Variants in LRRC51 observed in about 807,000 individuals in gnomAD.
LRRC51 encodes the protein leucine-rich repeat-containing protein 51.
In LRRC51, 8 loss-of-function variants were observed where a neutral mutation model predicts 17.8. The ratio of observed to expected loss-of-function variants is 0.45; its 90% CI spans 0.26 to 0.81. The LOEUF is 0.81. LRRC51 is among the 30% of genes least tolerant of loss of function. The pLI is 0.17. For synonymous variants in LRRC51, 92 were observed against 96.0 expected (o/e 0.96, Z 0.24); for missense variants, 233 against 239.3 (o/e 0.97, Z 0.17).
rs58257513 is a variant in LRRC51 at position 72,087,287 on chromosome 11, C to CTTTTTTT, written c.-139-988_-139-982dup. On this transcript the variant is annotated intron_variant, in intron 1 of 5. Coordinates refer to ENST00000289488, the MANE Select transcript of LRRC51 (RefSeq NM_145309.6). ...AGGTCCTTGGTTTTTAACAGAAATT[C>CTTTTTTT]TTTTTTTTTTTTTTTTTTTTTTTTT... 5.9e-4 allele frequency among the ~76,000 whole-genome samples: 63 copies of CTTTTTTT among 107,324 alleles called. 1 individual carries two copies. Among genetic ancestry groups the CTTTTTTT allele is most frequent in the African/African-American group, 2.1e-3 (59 of 28,526 alleles). 70.4% of individuals were successfully genotyped at this position (107,324 alleles called of 152,430 possible).
intron 3 of LRRC51, among the ~76,000 whole-genome samples, chr11:72,092,261 T>C (rs1238702257): frequency 6.6e-6 from 1 of 152,204 alleles, no homozygotes; most frequent in Non-Finnish European, 1.5e-5. Flanking sequence ...CTCCACCTTT[T>C]TGTACAGGAA....
At chr11:72,093,134 A>G (rs1944961109) in intron 3 of LRRC51, among the ~76,000 whole-genome samples, 1 of 152,242 alleles carries the variant, frequency 6.6e-6, no homozygotes, top group Non-Finnish European at 1.5e-5. Context: ...AGGCTTTACC[A>G]GTAGTTAATT....
chr11:72,089,395 C>G (rs769012399), intron 3 of LRRC51: 5 of 1,452,370 alleles, frequency 3.4e-6, no homozygotes, highest in Admixed American at 4.2e-5. Flanking sequence ...AACATGTGCC[C>G]CTGTTTGTTT....
At chr11:72,094,255 C>T (rs1450663790) in intron 4 of LRRC51, among the ~76,000 whole-genome samples, 2 of 149,612 alleles carry the variant, frequency 1.3e-5, no homozygotes, top group African/African-American at 5.0e-5. Context: ...CACTGTACTC[C>T]AGCCTGGCAA....
rs545864703 is a variant in LRRC51, at chr11:72,084,209, A to G, written c.-140+3324A>G. Among the ~76,000 whole-genome samples, 4 of 152,182 alleles carry G rather than the reference A, an allele frequency of 2.6e-5. No individual in the cohort carries two copies. In the South Asian group the frequency reaches 8.3e-4, roughly 32 times the overall value. On this transcript the variant is annotated intron_variant, in intron 1 of 5. Transcript: ENST00000289488. ...AGCAGCCTTTGATTTTTTTTCCACC[A>G]TCAGTCCATCATCAGAAACTCTCGG...
chr11:72,096,672 C>T lies in LRRC51; in HGVS notation c.*1152C>T. The stretch of plus-strand genomic sequence containing the variant: ...CTCTGGGCCCCTTTGTACTTTTCAG[C>T]TTAGAGATTTGGGGGTTAAAGTAGA... On this transcript the variant is annotated 3_prime_UTR_variant, in exon 6 of 6. Coordinates refer to ENST00000289488, the MANE Select transcript of LRRC51 (RefSeq NM_145309.6). 1 of 1,546,370 alleles carries T rather than the reference C, an allele frequency of 6.5e-7. No individual in the cohort carries two copies. The highest frequency in any genetic ancestry group is 8.7e-7 in the Non-Finnish European group (1 of 1,144,564).
At chr11:72,083,020 C>A (rs1312046783) in intron 1 of LRRC51, among the ~76,000 whole-genome samples, 1 of 152,200 alleles carries the variant, frequency 6.6e-6, no homozygotes, top group Non-Finnish European at 1.5e-5. Flanking sequence ...CATGCGCCAC[C>A]ACACCCGGCT....
Position 72,095,057 on chromosome 11 carries a change from C to G in LRRC51, c.398C>G (p.Thr133Arg). 1.9e-6 allele frequency: 3 copies of G among 1,614,066 alleles called. No individual in the cohort carries two copies. The highest frequency in any genetic ancestry group is 1.7e-6 in the Non-Finnish European group (2 of 1,180,018). Residue 133 changes from threonine to arginine, a missense_variant, in exon 5 of 6, where the codon ACA (threonine) becomes AGA (arginine). By Grantham distance (71) the Thr-to-Arg change is moderately conservative. Coordinates refer to ENST00000289488, the MANE Select transcript of LRRC51 (RefSeq NM_145309.6). ...LAVLPRLRSLTLHGNPMEEEK... is the reference protein window; with the variant it reads ...LAVLPRLRSLRLHGNPMEEEK... ...GTCCTTCCTCGGCTCCGTAGCCTGA[C>G]ACTCCATGGGAACCCCATGGAGGAA...
At chr11:72,095,211 TA>T in intron 5 of LRRC51, 115 bp downstream of exon 5, 1 of 1,559,528 alleles carries the variant, frequency 6.4e-7, no homozygotes, top group Non-Finnish European at 8.7e-7. Flanking sequence ...GGGAAGGGAG[TA>T]ACAGACCTCT....
intron 3 of LRRC51, chr11:72,089,706 C>A: frequency 1.3e-6 from 1 of 741,168 alleles, no homozygotes; most frequent in Non-Finnish European, 1.8e-6. Flanking sequence ...TACTTACTGA[C>A]AAATTTCTTA....
intron 3 of LRRC51, chr11:72,089,624 C>A: frequency 8.5e-7 from 1 of 1,176,816 alleles, no homozygotes; most frequent in Non-Finnish European, 1.1e-6. Context: ...CCTCTGTCTG[C>A]AGACACAAGC....
rs1176192191 is a variant in LRRC51, at chr11:72,096,804, A to G, written c.*1284A>G. 8.0e-6 allele frequency: 11 copies of G among 1,374,384 alleles called. No individual in the cohort carries two copies. Among genetic ancestry groups the G allele is most frequent in the Admixed American group, 3.1e-5 (1 of 32,678 alleles). The allele number at this position is 1,374,384 out of a possible 1,614,324, so 85.1% of individuals were successfully genotyped here. On this transcript the variant is annotated 3_prime_UTR_variant, in exon 6 of 6. Transcript: ENST00000289488. Reference sequence around the variant, plus strand: ...CCTATGATCTCTGAAACCAGCCCCCACTTCAATCAGATCAAAGTAATTCCA... The same window carrying G: ...CCTATGATCTCTGAAACCAGCCCCCGCTTCAATCAGATCAAAGTAATTCCA...
intron 1 of LRRC51, chr11:72,086,444 C>T (rs999516756): frequency 8.5e-6 from 6 of 702,122 alleles, no homozygotes; most frequent in African/African-American, 5.2e-5. Context: ...AACAGCTGAA[C>T]CTGGGAACCA....
In LRRC51 at chr11:72,094,944, A is replaced by G; in HGVS notation, c.289-4A>G. 1 of 1,613,936 alleles carries G rather than the reference A, an allele frequency of 6.2e-7. No individual in the cohort carries two copies. Among genetic ancestry groups the G allele is most frequent in the Non-Finnish European group, 8.5e-7 (1 of 1,179,978 alleles). ...GCCTGGCTTTTGGTTTCCCTCCCCA[A>G]CAGGTCCTAACAACTTTCTTCAACC... On this transcript the variant is annotated splice_region_variant and splice_polypyrimidine_tract_variant and intron_variant, in intron 4 of 5. Transcript: ENST00000289488.
chr11:72,081,437 G>GAAACA (rs1414987660), intron 1 of LRRC51, among the ~76,000 whole-genome samples: 3 of 151,902 alleles, frequency 2.0e-5, no homozygotes, highest in Non-Finnish European at 4.4e-5. Context: ...AAAACAAAAC[G>GAAACA]AAACAAAACA....
intron 1 of LRRC51, among the ~76,000 whole-genome samples, chr11:72,083,188 A>G (rs541957801): frequency 9.2e-5 from 14 of 152,198 alleles, no homozygotes; most frequent in African/African-American, 2.6e-4. Flanking sequence ...TATTAATACT[A>G]TGTGGTTTCC....
chr11:72,092,645 C>G (rs1487422899), intron 3 of LRRC51, among the ~76,000 whole-genome samples: 1 of 152,276 alleles, frequency 6.6e-6, no homozygotes, highest in Non-Finnish European at 1.5e-5. Context: ...TTCCTGCCTC[C>G]TTTTCCTCTC....
intron 4 of LRRC51, chr11:72,094,593 C>A: frequency 1.5e-6 from 1 of 651,844 alleles, no homozygotes; most frequent in Non-Finnish European, 2.8e-6. Flanking sequence ...TTCTTATGTG[C>A]CTAGCATGAT....
At chr11:72,089,687 C>T in intron 3 of LRRC51, 1 of 890,104 alleles carries the variant, frequency 1.1e-6, no homozygotes, top group Non-Finnish European at 1.4e-6. Flanking sequence ...GGCATATTTC[C>T]AGTTTAAATA....
Sources: allele counts gnomAD v4.1 joint callset (sites outside exome capture counted in the v4.1 genomes callset), GRCh38; gene constraint gnomAD v4.1.1; transcripts MANE v1.5; gene names NCBI Gene and HGNC (gene_info 2026-07-23, HGNC 2026-07-21).